Variants in NCKAP1L observed in about 807,000 individuals in gnomAD.
The protein encoded by NCKAP1L is NCK associated protein 1 like, also known as nck-associated protein 1-like.
In NCKAP1L, 53 loss-of-function variants were observed where a neutral mutation model predicts 139.2. The observed-to-expected ratio is 0.38, with a 90% CI of 0.31 to 0.48. The LOEUF (loss-of-function observed/expected upper bound fraction) is 0.48. Ranked by LOEUF, NCKAP1L falls within the 20% of genes least tolerant of loss-of-function variation. NCKAP1L has a pLI of 0.98. For synonymous variants in NCKAP1L, 468 were observed against 499.7 expected, an observed-to-expected ratio of 0.94 and a Z score of 0.85; for missense variants, 1,151 against 1,381.9, an observed-to-expected ratio of 0.83 and a Z score of 2.65.
At chr12:54,498,145 G>A (rs1292222318) in intron 1 of NCKAP1L, among the ~76,000 whole-genome samples, 1 of 152,108 alleles carries the variant, frequency 6.6e-6, no homozygotes, top group Non-Finnish European at 1.5e-5. Flanking sequence ...TCTGGGGATG[G>A]GGGTGAGGGT....
Position 54,535,117 on chromosome 12 carries a change from T to C in NCKAP1L, c.2876T>C (p.Ile959Thr). 6.2e-7 allele frequency: 1 copy of C among 1,613,544 alleles called. No individual in the cohort carries two copies. The change falls in exon 27 of 31, where the codon ATC (isoleucine) becomes ACC (threonine). Residue 959 changes from isoleucine (I) to threonine (T), a missense_variant. By Grantham distance (89) the Ile-to-Thr change is moderately conservative. Transcript: ENST00000293373. ...TCTTCTCTCCAGGTGACCTTGAGTA[T>C]CTTTGAGCTGGCATCTGCTGCAGGT... ...PDTDIKVTLSIFELASAAGVG... is the reference protein window; with the variant it reads ...PDTDIKVTLSTFELASAAGVG...
chr12:54,529,934 G>A (rs1306964606), intron 22 of NCKAP1L, among the ~76,000 whole-genome samples: 1 of 152,212 alleles, frequency 6.6e-6, no homozygotes, highest in Non-Finnish European at 1.5e-5. Flanking sequence ...TACAGAGGGC[G>A]ATTCAGCTCT....
At chr12:54,514,405 TC>T (rs1344790332) in intron 9 of NCKAP1L, among the ~76,000 whole-genome samples, 11 of 151,986 alleles carry the variant, frequency 7.2e-5, no homozygotes. Context: ...CACTGTAACC[TC>T]CACCTGCCGG....
At chr12:54,510,093 T>TA in intron 7 of NCKAP1L, 108 bp downstream of exon 7, 20 of 1,397,874 alleles carry the variant, frequency 1.4e-5, no homozygotes, top group Non-Finnish European at 1.8e-5. Flanking sequence ...AATGCTTTAG[T>TA]CTTCTTCTAG....
chr12:54,505,664 T>TC (rs1313240262), intron 3 of NCKAP1L, among the ~76,000 whole-genome samples: 1 of 52,924 alleles, frequency 1.9e-5, no homozygotes, highest in East Asian at 9.9e-4. Context: ...TACCCCGTCC[T>TC]CCCTTTTTTT....
At chr12:54,534,356 T>A (rs1957097576) in intron 26 of NCKAP1L, among the ~76,000 whole-genome samples, 1 of 152,242 alleles carries the variant, frequency 6.6e-6, no homozygotes. Context: ...CAGATCTGTC[T>A]CACTCCAAAG....
At chr12:54,500,485 T>C in intron 2 of NCKAP1L, 48 bp from the exon 3 acceptor site, 1 of 1,263,040 alleles carries the variant, frequency 7.9e-7, no homozygotes, top group Non-Finnish European at 1.2e-6. Flanking sequence ...TTTGGATCAA[T>C]TGTCTTATTT....
At chr12:54,542,545 G>A in intron 30 of NCKAP1L, 30 bp from the exon 31 acceptor site, 4 of 1,527,080 alleles carry the variant, frequency 2.6e-6, no homozygotes, top group African/African-American at 1.4e-5. Context: ...CCTACCTGAG[G>A]TTCTCATCTC....
chr12:54,515,772 C>T (rs2120913703), intron 9 of NCKAP1L, among the ~76,000 whole-genome samples: 1 of 152,306 alleles, frequency 6.6e-6, no homozygotes, highest in South Asian at 2.1e-4. Context: ...ATAACTGATA[C>T]AGTGAAATTC....
chr12:54,498,733 T>G, intron 1 of NCKAP1L: 1 of 962,006 alleles, frequency 1.0e-6, no homozygotes, highest in Non-Finnish European at 1.2e-6. Flanking sequence ...GCAGCTGCTT[T>G]TCTTGTTCCT....
chr12:54,523,933 C>T lies in NCKAP1L; in HGVS notation c.2133C>T (p.Ser711=), dbSNP rs757949200. 7 of 1,613,878 alleles carry T rather than the reference C, an allele frequency of 4.3e-6. No homozygotes were observed. Among genetic ancestry groups the T allele is most frequent in the Non-Finnish European group, 8.5e-7 (1 of 1,179,906 alleles). ...HTIFPSEYLS[S]HLEARLNRAI... Reference sequence around the variant, plus strand: ...TCTTCCCTTCTGAGTACCTCAGCAGCCACCTGGAGGCCAGACTCAACAGGT... The same window carrying T: ...TCTTCCCTTCTGAGTACCTCAGCAGTCACCTGGAGGCCAGACTCAACAGGT... The change falls in exon 20 of 31, where the codon AGC becomes AGT. Residue 711 remains serine (S), a synonymous_variant. Coordinates refer to ENST00000293373, the MANE Select transcript of NCKAP1L (RefSeq NM_005337.5).
intron 30 of NCKAP1L, among the ~76,000 whole-genome samples, chr12:54,539,933 G>C (rs1371579426): frequency 6.6e-6 from 1 of 152,204 alleles, no homozygotes; most frequent in Non-Finnish European, 1.5e-5. Flanking sequence ...CGTGTGGCTG[G>C]AGTTTAGATA....
rs774470692 is a variant in NCKAP1L, at chr12:54,536,231, G to A, written c.3059G>A (p.Ser1020Asn). 3.1e-6 allele frequency: 5 copies of A among 1,609,138 alleles called. No homozygotes were observed. The highest frequency in any genetic ancestry group is 2.7e-5 in the African/African-American group (2 of 74,788). ...LLATDPSSFY[S>N]IEKDGYNNNI... ...GCCACTGACCCTTCTTCCTTTTATA[G>A]CATTGAGAAGGATGGTAAGTAAGGG... Residue 1020 changes from serine (S) to asparagine (N), a missense_variant, in exon 28 of 31, where the codon AGC becomes AAC. Transcript: ENST00000293373.
At chr12:54,523,763 G>A (rs1232529327) in intron 19 of NCKAP1L, 62 bp from the exon 20 acceptor site, 15 of 1,570,750 alleles carry the variant, frequency 9.5e-6, no homozygotes, top group African/African-American at 8.1e-5. Flanking sequence ...GGCCCAACAC[G>A]TCCTTCCTAG....
At chr12:54,539,524 C>T (rs1332640611) in intron 30 of NCKAP1L, among the ~76,000 whole-genome samples, 1 of 152,208 alleles carries the variant, frequency 6.6e-6, no homozygotes, top group Non-Finnish European at 1.5e-5. Flanking sequence ...GTGGGCTTCT[C>T]TCTACTCTGG....
At chr12:54,521,313 C>T (rs1305997310) in intron 18 of NCKAP1L, 75 bp downstream of exon 18, 2 of 1,577,476 alleles carry the variant, frequency 1.3e-6, no homozygotes, top group Non-Finnish European at 1.7e-6. Context: ...AACTTTGTTT[C>T]CCTCTCAGAT....
chr12:54,519,408 TAC>T, intron 16 of NCKAP1L, 76 bp downstream of exon 16: 1 of 1,107,530 alleles, frequency 9.0e-7, no homozygotes, highest in Non-Finnish European at 1.2e-6. Flanking sequence ...TTATGCCACT[TAC>T]TTCAAAGAAT....
Position 54,526,632 on chromosome 12 carries a change from T to C in NCKAP1L, c.2261T>C (p.Leu754Pro), listed in dbSNP as rs1217658697. 1 of 1,614,150 alleles carries C rather than the reference T, an allele frequency of 6.2e-7. No homozygotes were observed. The highest frequency in any genetic ancestry group is 1.7e-5 in the Admixed American group (1 of 60,022). The stretch of plus-strand genomic sequence containing the variant: ...GCATACATTGGTTTCATACAGTCAC[T>C]GGCCCAGTTTTTGGGTGCAGATGCT... Reference protein sequence around the residue: ...VKAYIGFIQSLAQFLGADASR... With the variant: ...VKAYIGFIQSPAQFLGADASR... The change falls in exon 21 of 31, where the codon CTG becomes CCG. Residue 754 changes from leucine to proline, a missense_variant. Transcript: ENST00000293373.
intron 30 of NCKAP1L, among the ~76,000 whole-genome samples, chr12:54,541,320 T>C (rs910502564): frequency 6.6e-6 from 1 of 152,234 alleles, no homozygotes; most frequent in East Asian, 1.9e-4. Flanking sequence ...TCTAGGGCTG[T>C]TTCCACTCCC....
Sources: gnomAD v4.1 joint callset for allele counts (sites outside exome capture counted in the v4.1 genomes callset) on GRCh38, gnomAD v4.1.1 for gene constraint, MANE v1.5 for transcripts, NCBI Gene and HGNC (gene_info 2026-07-23, HGNC 2026-07-21) for gene names.